The following WFIKKN1 variants were observed in gnomAD, a reference collection of about 807,000 sequenced individuals.
WFIKKN1 encodes the protein WAP, Kazal, immunoglobulin, Kunitz and NTR domain-containing protein 1.
WFIKKN1 carries 6 observed loss-of-function variants against 4.6 expected under a neutral mutation model. That is an observed-to-expected ratio of 1.31 (90% CI 0.72 to 2.59). The LOEUF (loss-of-function observed/expected upper bound fraction) is 2.59, where lower values mean the gene tolerates loss of function less well. WFIKKN1 is among the 30% of genes most tolerant of loss of function. The pLI is 0.00. For missense variants in WFIKKN1, 964 were observed against 818.0 expected, an observed-to-expected ratio of 1.18 and a Z score of -2.18; for synonymous variants, 468 against 367.4, an observed-to-expected ratio of 1.27 and a Z score of -3.13.
chr16:633,997 G>T lies in WFIKKN1; in HGVS notation c.1587G>T (p.Lys529Asn). The T allele has an allele frequency of 6.2e-7, 1 of 1,603,276 alleles. No homozygotes were observed. Among genetic ancestry groups the T allele is most frequent in the Non-Finnish European group, 8.5e-7 (1 of 1,175,918 alleles). Residue 529 changes from lysine (K) to asparagine (N), a missense_variant, in exon 2 of 2, where the codon AAG becomes AAT. Transcript: ENST00000319070. The part of the protein sequence containing the change: ...YVRAASEKRV[K>N]KILELLEKQA... ...GCGCCGCCAGCGAGAAGCGCGTCAA[G>T]AAGATCTTGGAGCTGCTGGAGAAGC...
chr16:633,915 T>A lies in WFIKKN1; in HGVS notation c.1505T>A (p.Val502Asp), dbSNP rs763791367. 2.5e-6 allele frequency: 4 copies of A among 1,594,488 alleles called. No homozygotes were observed. The South Asian group carries it at 4.5e-5, about 18-fold the overall frequency. ...ATGACGGCGGGCGACGGGCCGCTGG[T>A]CATCATGGGTGAGGTGCGCGATGGC... is the stretch of plus-strand genomic sequence containing the variant. ...PNMTAGDGPL[V>D]IMGEVRDGVA... Residue 502 changes from valine to aspartate, a missense_variant, in exon 2 of 2, where the codon GTC (valine) becomes GAC (aspartate). Val to Asp is a radical substitution (Grantham distance 152). Coordinates refer to ENST00000319070, the MANE Select transcript of WFIKKN1 (RefSeq NM_053284.3).
At chr16:632,530 G>T in intron 1 of WFIKKN1, 52 bp from the exon 2 acceptor site, 2 of 1,443,016 alleles carry the variant, frequency 1.4e-6, no homozygotes, top group Non-Finnish European at 9.1e-7. Context: ...CCAGGCCAGA[G>T]CCCCGGGGCG....
In WFIKKN1 at chr16:631,299, C is replaced by T. The variant is rs756592410; in HGVS notation, c.46C>T (p.Leu16=). The change falls in exon 1 of 2, where the codon CTG becomes TTG. Residue 16 remains leucine, a synonymous_variant. Transcript: ENST00000319070. ...PLLPLLLLLR[L]TSGAGLLPGL... ...CCTGCCGCTCCTGCTCCTCCTCCGG[C>T]TGACCTCGGGGGCTGGCTTGCTGCC... The T allele has an allele frequency of 1.3e-6, 2 of 1,597,852 alleles. No individual in the cohort carries two copies.
rs867006796 is a variant in WFIKKN1 at position 631,128 on chromosome 16, C to A, written c.-126C>A. On this transcript the variant is annotated 5_prime_UTR_variant, in exon 1 of 2. Coordinates refer to ENST00000319070, the MANE Select transcript of WFIKKN1 (RefSeq NM_053284.3). ...TTCAGCCTCAGGGGCAAAAGGGAGC[C>A]CCGGGGTCCTGGTGGGGGCACCGAC... 1 of 1,143,044 alleles carries A rather than the reference C, an allele frequency of 8.7e-7. No individual in the cohort carries two copies. The highest frequency in any genetic ancestry group is 1.2e-6 in the Non-Finnish European group (1 of 838,460). The allele number at this position is 1,143,044 out of a possible 1,614,324, so 70.8% of individuals were successfully genotyped here.
intron 1 of WFIKKN1, 134 bp from the exon 2 acceptor site, chr16:632,448 C>G: frequency 1.7e-6 from 2 of 1,179,834 alleles, no homozygotes; most frequent in Non-Finnish European, 1.1e-6. Context: ...GGAAAGGACA[C>G]TGAGTCCCCG....
chr16:633,546 C>G lies in WFIKKN1; in HGVS notation c.1136C>G (p.Pro379Arg). ...TGGGAGCCGCGCTGGGCCTACAGCC[C>G]GCTGCTGCAGCAGTGCCATCCCTTC... Reference protein sequence around the residue: ...RGWEPRWAYSPLLQQCHPFVY... With the variant: ...RGWEPRWAYSRLLQQCHPFVY... Residue 379 changes from proline (P) to arginine (R), a missense_variant, in exon 2 of 2, where the codon CCG (proline) becomes CGG (arginine). Pro to Arg is a moderately radical substitution (Grantham distance 103, BLOSUM62 -2). Coordinates refer to ENST00000319070, the MANE Select transcript of WFIKKN1 (RefSeq NM_053284.3). The G allele has an allele frequency of 1.3e-6, 2 of 1,535,392 alleles. No individual in the cohort carries two copies. The highest frequency in any genetic ancestry group is 8.7e-7 in the Non-Finnish European group (1 of 1,149,600).
At position 633,105 on chromosome 16, in the gene WFIKKN1, G is replaced by A. The variant is rs755378651; in HGVS notation, c.695G>A (p.Arg232His). 17 of 1,611,672 alleles carry A rather than the reference G, an allele frequency of 1.1e-5. No homozygotes were observed. Among genetic ancestry groups the A allele is most frequent in the African/African-American group, 4.0e-5 (3 of 74,868 alleles). Residue 232 changes from arginine (R) to histidine (H), a missense_variant, in exon 2 of 2, where the codon CGC becomes CAC. Transcript: ENST00000319070. ...CACCAGCGAGAGAACCTGATCATGC[G>A]CCCTGATCAGATGTATGGCAACGTG... ...QSHQRENLIM[R>H]PDQMYGNVVV...
chr16:632,908 C>T lies in WFIKKN1; in HGVS notation c.498C>T (p.Ser166=), dbSNP rs747494574. The change falls in exon 2 of 2, where the codon AGC becomes AGT. Residue 166 remains serine, a synonymous_variant. Transcript: ENST00000319070. ...AGCACGTGCTCAGCTGGCCGCCCAGCAGCCCGGGGCCGCCGGAGACCACTG... is the reference window on the plus strand; with the variant it reads ...AGCACGTGCTCAGCTGGCCGCCCAGTAGCCCGGGGCCGCCGGAGACCACTG... ...PCKHVLSWPP[S]SPGPPETTAR... 1.3e-6 allele frequency: 2 copies of T among 1,563,688 alleles called. No individual in the cohort carries two copies. The highest frequency in any genetic ancestry group is 2.3e-5 in the East Asian group (1 of 43,916).
intron 1 of WFIKKN1, chr16:631,776 TCTCCTCCCATCCA>T (rs1316881109): frequency 2.7e-4 from 9 of 33,950 alleles, no homozygotes; most frequent in Non-Finnish European, 4.3e-4. Context: ...CCTCCCACCC[TCTCCTCCCATCCA>T]CTCCTCCCAT....
intron 1 of WFIKKN1, 150 bp from the exon 2 acceptor site, chr16:632,432 C>A: frequency 9.9e-7 from 1 of 1,006,054 alleles, no homozygotes; most frequent in Non-Finnish European, 1.3e-6. Context: ...GCTCCTCACA[C>A]AGGATGGAAA....
chr16:632,822 C>T lies in WFIKKN1; in HGVS notation c.412C>T (p.Arg138Cys), dbSNP rs762521285. 3.8e-6 allele frequency: 6 copies of T among 1,588,698 alleles called. No homozygotes were observed. The highest frequency in any genetic ancestry group is 2.3e-5 in the East Asian group (1 of 44,438). Residue 138 changes from arginine (R) to cysteine (C), a missense_variant, in exon 2 of 2, where the codon CGC becomes TGC. Transcript: ENST00000319070. ...CASDGLTYYN[R>C]CYMDAEACLR... is the part of the protein sequence containing the mutation. ...CTCGGACGGCCTCACCTACTACAACCGCTGCTATATGGACGCCGAGGCCTG... is the reference window on the plus strand; with the variant it reads ...CTCGGACGGCCTCACCTACTACAACTGCTGCTATATGGACGCCGAGGCCTG...
At position 631,162 on chromosome 16, in the gene WFIKKN1, C is replaced by T. The variant is rs537062815; in HGVS notation, c.-92C>T. The T allele has an allele frequency of 7.5e-5, 107 of 1,417,350 alleles. No individual in the cohort carries two copies. The highest frequency in any genetic ancestry group is 5.9e-4 in the South Asian group (42 of 71,790). 87.8% of individuals were successfully genotyped at this position (1,417,350 alleles called of 1,614,324 possible). ...CTGGTGGGGGCACCGACCACAGGCC[C>T]GGAGGGTGGATGCCTGCAGGAAGCT... is the stretch of plus-strand genomic sequence containing the variant. On this transcript the variant is annotated 5_prime_UTR_variant, in exon 1 of 2. Transcript: ENST00000319070.
In WFIKKN1 at chr16:633,530, C is replaced by T. The variant is rs540140699; in HGVS notation, c.1120C>T (p.Arg374Cys). The change falls in exon 2 of 2, where the codon CGC (arginine) becomes TGC (cysteine). Residue 374 changes from arginine to cysteine, a missense_variant. Coordinates refer to ENST00000319070, the MANE Select transcript of WFIKKN1 (RefSeq NM_053284.3). ...GGGCCCCTGCCGGGGCTGGGAGCCG[C>T]GCTGGGCCTACAGCCCGCTGCTGCA... ...VQGPCRGWEP[R>C]WAYSPLLQQC... 17 of 1,516,466 alleles carry T rather than the reference C, an allele frequency of 1.1e-5. No homozygotes were observed. The highest frequency in any genetic ancestry group is 2.5e-5 in the East Asian group (1 of 39,786). The allele number at this position is 1,516,466 out of a possible 1,614,324, so 93.9% of individuals were successfully genotyped here.
rs1182540279 is a variant in WFIKKN1, at chr16:633,896, G to A, written c.1486G>A (p.Ala496Thr). Residue 496 changes from alanine to threonine, a missense_variant, in exon 2 of 2, where the codon GCG becomes ACG. Ala to Thr is a moderately conservative substitution (Grantham distance 58). Coordinates refer to ENST00000319070, the MANE Select transcript of WFIKKN1 (RefSeq NM_053284.3). ...DWACPCPNMT[A>T]GDGPLVIMGE... ...GGCCTGCCCCTGCCCCAACATGACG[G>A]CGGGCGACGGGCCGCTGGTCATCAT... 6.3e-6 allele frequency: 10 copies of A among 1,593,370 alleles called. No individual in the cohort carries two copies. Among genetic ancestry groups the A allele is most frequent in the Admixed American group, 5.3e-5 (3 of 57,096 alleles).
Position 632,914 on chromosome 16 carries a change from G to C in WFIKKN1, c.504G>C (p.Pro168=), listed in dbSNP as rs188081606. ...TGCTCAGCTGGCCGCCCAGCAGCCC[G>C]GGGCCGCCGGAGACCACTGCCCGCC... The part of the protein sequence containing the change: ...KHVLSWPPSS[P]GPPETTARPT... Residue 168 remains proline, a synonymous_variant, in exon 2 of 2, where the codon CCG becomes CCC. Transcript: ENST00000319070. 5 of 1,561,038 alleles carry C rather than the reference G, an allele frequency of 3.2e-6. No individual in the cohort carries two copies. Among genetic ancestry groups the C allele is most frequent in the Non-Finnish European group, 4.3e-6 (5 of 1,154,016 alleles).
rs1596430714 is a variant in WFIKKN1 at position 633,746 on chromosome 16, G to A, written c.1336G>A (p.Glu446Lys). The A allele has an allele frequency of 9.4e-6, 15 of 1,591,098 alleles. No homozygotes were observed. The highest frequency in any genetic ancestry group is 1.3e-5 in the Non-Finnish European group (15 of 1,169,562). ...CGTGGGGCGGCTCACGGAGGTGCTG[G>A]AGGAGCCCGAGGCCGCCGGCGGCAT... Reference protein sequence around the residue: ...AIVGRLTEVLEEPEAAGGIAR... With the variant: ...AIVGRLTEVLKEPEAAGGIAR... Residue 446 changes from glutamate (E) to lysine (K), a missense_variant, in exon 2 of 2, where the codon GAG becomes AAG. Glu to Lys is a moderately conservative substitution (Grantham distance 56, BLOSUM62 1). Transcript: ENST00000319070.
Position 633,021 on chromosome 16 carries a change from G to C in WFIKKN1, c.611G>C (p.Ser204Thr). Residue 204 changes from serine (S) to threonine (T), a missense_variant, in exon 2 of 2, where the codon AGC (serine) becomes ACC (threonine). Ser to Thr is a moderately conservative substitution (Grantham distance 58). Coordinates refer to ENST00000319070, the MANE Select transcript of WFIKKN1 (RefSeq NM_053284.3). ...GCGGTGCAGGTTGGGGGTACGGCCA[G>C]CCTCCACTGCGACGTCAGCGGCCGC... is the stretch of plus-strand genomic sequence containing the variant. ...PQAVQVGGTA[S>T]LHCDVSGRPP... The C allele has an allele frequency of 6.2e-7, 1 of 1,609,164 alleles. No homozygotes were observed. The highest frequency in any genetic ancestry group is 8.5e-7 in the Non-Finnish European group (1 of 1,178,092).
Position 633,274 on chromosome 16 carries a change from C to T in WFIKKN1, c.864C>T (p.Asp288=), listed in dbSNP as rs755643017. Residue 288 remains aspartate, a synonymous_variant, in exon 2 of 2, where the codon GAC becomes GAT. Transcript: ENST00000319070. The part of the protein sequence containing the change: ...LSVVQREPAR[D]AAPSIPAPAE... ...TGGTCCAGCGAGAGCCGGCCAGGGA[C>T]GCAGCCCCCAGCATCCCAGCCCCGG... The T allele has an allele frequency of 2.1e-5, 33 of 1,582,776 alleles. No homozygotes were observed. The Middle Eastern group carries it at 9.9e-4, about 48-fold the overall frequency.
chr16:632,729 A>G lies in WFIKKN1; in HGVS notation c.319A>G (p.Ile107Val). The part of the protein sequence containing the change: ...VCPQQGSDCD[I>V]WDGQPVCRCR... ...CCCACAGCAGGGCTCGGACTGCGAC[A>G]TCTGGGACGGGCAGCCCGTGTGCCG... The change falls in exon 2 of 2, where the codon ATC (isoleucine) becomes GTC (valine). Residue 107 changes from isoleucine (I) to valine (V), a missense_variant. Coordinates refer to ENST00000319070, the MANE Select transcript of WFIKKN1 (RefSeq NM_053284.3). 1 of 1,610,758 alleles carries G rather than the reference A, an allele frequency of 6.2e-7. No homozygotes were observed. Among genetic ancestry groups the G allele is most frequent in the Non-Finnish European group, 8.5e-7 (1 of 1,178,844 alleles).
Sources: allele counts gnomAD v4.1 joint callset, GRCh38; gene constraint gnomAD v4.1.1; transcripts MANE v1.5; gene names NCBI Gene and HGNC (gene_info 2026-07-23, HGNC 2026-07-21).